Variants in LRP2 observed in about 807,000 individuals in gnomAD.
LRP2 encodes the protein LDL receptor related protein 2, also known as low-density lipoprotein receptor-related protein 2.
Under a neutral mutation model 531.0 loss-of-function variants are expected in LRP2, and 172 were observed. That is an observed-to-expected ratio of 0.32 (90% confidence interval 0.29 to 0.37). LRP2 has a LOEUF of 0.37. Ranked by LOEUF, LRP2 falls within the 10% of genes least tolerant of loss-of-function variation. The pLI is 1.00. For missense variants in LRP2, 5,167 were observed against 5,868.3 expected (o/e 0.88, Z 3.90); for synonymous variants, 1,992 against 2,027.6 (o/e 0.98, Z 0.47).
intron 33 of LRP2, among the ~76,000 whole-genome samples, chr2:169,222,877 G>A (rs1559025769): frequency 6.6e-6 from 1 of 152,044 alleles, no homozygotes; most frequent in Non-Finnish European, 1.5e-5. Context: ...TCAAGACTCA[G>A]CTCACAAGTA....
At chr2:169,175,859 T>C (rs913880160) in intron 54 of LRP2, among the ~76,000 whole-genome samples, 1 of 152,240 alleles carries the variant, frequency 6.6e-6, no homozygotes, top group Non-Finnish European at 1.5e-5. Context: ...CCTCTGCATC[T>C]TAGATGCTAT....
At chr2:169,329,326 T>A (rs576459396) in intron 1 of LRP2, among the ~76,000 whole-genome samples, 1 of 152,238 alleles carries the variant, frequency 6.6e-6, no homozygotes, top group African/African-American at 2.4e-5. Flanking sequence ...GCAGATCACT[T>A]GAGGCCAGGA....
At chr2:169,167,564 G>A (rs1686829293) in intron 61 of LRP2, among the ~76,000 whole-genome samples, 1 of 152,080 alleles carries the variant, frequency 6.6e-6, no homozygotes, top group Admixed American at 6.6e-5. Flanking sequence ...GCCACTTTGG[G>A]GAAAGAGCTC....
intron 1 of LRP2, among the ~76,000 whole-genome samples, chr2:169,325,797 T>C (rs151142984): frequency 6.8e-4 from 103 of 152,252 alleles, no homozygotes; most frequent in African/African-American, 2.4e-3. Flanking sequence ...AGGAATTCTT[T>C]TGGGTTTTTT....
chr2:169,309,079 T>A (rs938784947), intron 3 of LRP2, among the ~76,000 whole-genome samples: 3 of 152,214 alleles, frequency 2.0e-5, no homozygotes, highest in Non-Finnish European at 4.4e-5. Flanking sequence ...TGTTTGTTTT[T>A]TTCTTGTACA....
At chr2:169,221,421 T>C (rs570711797) in intron 33 of LRP2, among the ~76,000 whole-genome samples, 1 of 152,318 alleles carries the variant, frequency 6.6e-6, no homozygotes, top group South Asian at 2.1e-4. Context: ...CTGTGATTAT[T>C]ACTGTTATAA....
At chr2:169,147,810 GACCCT>G (rs1252965372) in intron 68 of LRP2, among the ~76,000 whole-genome samples, 1 of 152,210 alleles carries the variant, frequency 6.6e-6, no homozygotes, top group Non-Finnish European at 1.5e-5. Context: ...CGGAGAGCAA[GACCCT>G]GTGTAAGAGC....
intron 67 of LRP2, among the ~76,000 whole-genome samples, chr2:169,152,450 A>G (rs1237349215): frequency 6.6e-6 from 1 of 152,198 alleles, no homozygotes; most frequent in East Asian, 1.9e-4. Flanking sequence ...ACTGAAAGTT[A>G]ATTTTGGAAT....
chr2:169,361,263 G>T (rs1044271801), intron 1 of LRP2, among the ~76,000 whole-genome samples: 2 of 151,602 alleles, frequency 1.3e-5, no homozygotes, highest in East Asian at 3.9e-4. Context: ...AGAGCTCGCC[G>T]GTTCCAGCCT....
At chr2:169,267,209 G>A (rs912454753) in intron 16 of LRP2, among the ~76,000 whole-genome samples, 3 of 151,962 alleles carry the variant, frequency 2.0e-5, no homozygotes, top group Non-Finnish European at 2.9e-5. Context: ...CCATAAAAAA[G>A]CAATAAATTT....
intron 16 of LRP2, among the ~76,000 whole-genome samples, chr2:169,266,399 G>C (rs1288111167): frequency 1.3e-5 from 2 of 151,872 alleles, no homozygotes; most frequent in Non-Finnish European, 2.9e-5. Context: ...GGGCAATATG[G>C]TTTTATATTG....
chr2:169,197,838 T>C (rs1248368513), intron 45 of LRP2, among the ~76,000 whole-genome samples: 1 of 152,238 alleles, frequency 6.6e-6, no homozygotes, highest in Non-Finnish European at 1.5e-5. Flanking sequence ...TTCCTCTTCC[T>C]GTGCTGTACC....
chr2:169,238,326 A>C (rs1574166574), intron 26 of LRP2, 24 bp from the exon 27 acceptor site: 1 of 1,478,472 alleles, frequency 6.8e-7, no homozygotes, highest in Non-Finnish European at 9.5e-7. Flanking sequence ...AAATGCAAAA[A>C]TGTCAATGAT....
rs147441573 is a variant in LRP2, at chr2:169,187,231, A to G, written c.9328+739T>C. 4.4e-3 allele frequency among the ~76,000 whole-genome samples: 669 copies of G among 152,258 alleles called. 10 individuals carry two copies. The highest frequency in any genetic ancestry group is 4.9e-3 in the Non-Finnish European group (331 of 68,016). On this transcript the variant is annotated intron_variant, in intron 49 of 78. Coordinates refer to ENST00000649046, the MANE Select transcript of LRP2 (RefSeq NM_004525.3). Reference sequence around the variant, plus strand: ...ATTTCCACAGCAGTTTCTGTCTAGCATTTAATTTTAATGTTATTTCATATA... The same window carrying G: ...ATTTCCACAGCAGTTTCTGTCTAGCGTTTAATTTTAATGTTATTTCATATA...
At chr2:169,359,967 T>A (rs980924268) in intron 1 of LRP2, among the ~76,000 whole-genome samples, 1 of 151,676 alleles carries the variant, frequency 6.6e-6, no homozygotes, top group Non-Finnish European at 1.5e-5. Context: ...CTACTAAAAA[T>A]ACAAAATATT....
At chr2:169,280,659 C>T in intron 10 of LRP2, 140 bp from the exon 11 acceptor site, 1 of 865,344 alleles carries the variant, frequency 1.2e-6, no homozygotes, top group Non-Finnish European at 1.8e-6. Context: ...ACCTCTGAGG[C>T]AGACAGATAG....
rs1688677981 is a variant in LRP2, at chr2:169,213,713, A to G, written c.5984T>C (p.Ile1995Thr). Residue 1995 changes from isoleucine (I) to threonine (T), a missense_variant, in exon 36 of 79, where the codon ATA (isoleucine) becomes ACA (threonine). This residue lies in a region of LRP2 where 2,811 missense variants were observed against 3,058.0 expected (regional missense o/e 0.92). Coordinates refer to ENST00000649046, the MANE Select transcript of LRP2 (RefSeq NM_004525.3). ...ATTTGGAACATTATCTCTCAAGACT[A>G]TTTTGTTGGCCCCAGTGGCCTTATC... ...RVDKATGANK[I>T]VLRDNVPNLR... The G allele has an allele frequency of 4.3e-6, 7 of 1,613,780 alleles. No homozygotes were observed. The highest frequency in any genetic ancestry group is 5.1e-6 in the Non-Finnish European group (6 of 1,179,856).
intron 74 of LRP2, 103 bp downstream of exon 74, chr2:169,139,148 C>T (rs1175844598): frequency 2.6e-5 from 40 of 1,532,334 alleles, no homozygotes; most frequent in Non-Finnish European, 3.2e-5. Flanking sequence ...CGGTGAACTG[C>T]GTATTGTGCT....
intron 21 of LRP2, 127 bp downstream of exon 21, chr2:169,246,578 T>C: frequency 8.8e-7 from 1 of 1,136,236 alleles, no homozygotes; most frequent in Non-Finnish European, 1.3e-6. Context: ...TCAAAGTGCA[T>C]GTTAAGAATC....
Sources: gnomAD v4.1 joint callset for allele counts (sites outside exome capture counted in the v4.1 genomes callset) on GRCh38, gnomAD v4.1.1 for gene constraint, gnomAD v4.1.1 regional missense constraint, MANE v1.5 for transcripts, NCBI Gene and HGNC (gene_info 2026-07-23, HGNC 2026-07-21) for gene names.